Variants in SLC4A4 observed in about 807,000 individuals in gnomAD.
The protein encoded by SLC4A4 is electrogenic sodium bicarbonate cotransporter 1.
A neutral mutation model predicts 111.5 loss-of-function variants in SLC4A4; 27 were observed. That is an observed-to-expected ratio of 0.24 (90% CI 0.18 to 0.33). The LOEUF is 0.33. Among genes scored for constraint, SLC4A4 ranks in the 10% least tolerant of loss-of-function variants. The pLI is 1.00. For missense variants in SLC4A4, 909 were observed against 1,315.5 expected, an observed-to-expected ratio of 0.69 and a Z score of 4.78; for synonymous variants, 443 against 463.4, an observed-to-expected ratio of 0.96 and a Z score of 0.57.
intron 12 of SLC4A4, among the ~76,000 whole-genome samples, chr4:71,454,631 A>G (rs148436388): frequency 1.7e-4 from 26 of 151,992 alleles, no homozygotes; most frequent in Admixed American, 5.2e-4. Flanking sequence ...CATATTTTAG[A>G]TTTTTGTCTA....
chr4:71,330,659 A>T (rs559488495), intron 3 of SLC4A4, among the ~76,000 whole-genome samples: 4 of 152,368 alleles, frequency 2.6e-5, no homozygotes, highest in South Asian at 4.1e-4. Context: ...AATACCATTC[A>T]GGACATAAGC....
At chr4:71,400,605 A>G (rs1720268258) in intron 7 of SLC4A4, among the ~76,000 whole-genome samples, 1 of 152,234 alleles carries the variant, frequency 6.6e-6, no homozygotes, top group South Asian at 2.1e-4. Flanking sequence ...AAGAAACTCC[A>G]TTCTCTCTTC....
chr4:71,436,062 A>G (rs1205821525), intron 7 of SLC4A4, among the ~76,000 whole-genome samples: 1 of 152,238 alleles, frequency 6.6e-6, no homozygotes, highest in African/African-American at 2.4e-5. Flanking sequence ...TATTGGGTAT[A>G]TACCCAAAAG....
chr4:71,385,187 A>ATT (rs1560461079), intron 6 of SLC4A4, among the ~76,000 whole-genome samples: 2 of 16,674 alleles, frequency 1.2e-4, no homozygotes, highest in Non-Finnish European at 2.3e-4. Context: ...ATATATATAT[A>ATT]TATATTTTTT....
At chr4:71,286,162 C>T (rs1405934020) in intron 3 of SLC4A4, among the ~76,000 whole-genome samples, 1 of 152,070 alleles carries the variant, frequency 6.6e-6, no homozygotes, top group African/African-American at 2.4e-5. Context: ...ACGGCGTGAA[C>T]CTGGGAGGTG....
chr4:71,089,476 A>C (rs1043709642), intron 1 of SLC4A4, among the ~76,000 whole-genome samples: 92 of 152,038 alleles, frequency 6.1e-4, no homozygotes, highest in Admixed American at 4.9e-3. Flanking sequence ...AGGCGCTCTG[A>C]TTTTTAGAGT....
chr4:71,133,189 C>G (rs1470699940), intron 2 of SLC4A4, among the ~76,000 whole-genome samples: 1 of 152,128 alleles, frequency 6.6e-6, no homozygotes, highest in East Asian at 1.9e-4. Flanking sequence ...ATTGTAGGAG[C>G]CTTAGGTTGT....
intron 1 of SLC4A4, chr4:71,236,071 G>T: frequency 2.0e-6 from 2 of 999,428 alleles, no homozygotes; most frequent in Non-Finnish European, 2.4e-6. Flanking sequence ...CTGTGCACTA[G>T]CCTACCTCCC....
intron 1 of SLC4A4, among the ~76,000 whole-genome samples, chr4:71,090,854 G>A (rs1742367108): frequency 6.6e-6 from 1 of 152,248 alleles, no homozygotes; most frequent in Non-Finnish European, 1.5e-5. Flanking sequence ...ATTGTAGCCA[G>A]GGATGCAGAA....
chr4:71,457,843 T>C (rs180899403), intron 12 of SLC4A4, among the ~76,000 whole-genome samples: 10 of 152,178 alleles, frequency 6.6e-5, no homozygotes, highest in Admixed American at 6.6e-4. Flanking sequence ...GATGTGCAAA[T>C]CTCTTTTACA....
At chr4:71,228,928 TTC>T (rs1015880298) in intron 1 of SLC4A4, among the ~76,000 whole-genome samples, 2 of 152,058 alleles carry the variant, frequency 1.3e-5, no homozygotes, top group Non-Finnish European at 2.9e-5. Flanking sequence ...TTGTACTAAT[TTC>T]TCTCTCTCTC....
At chr4:71,513,732 G>A (rs1382729201) in intron 16 of SLC4A4, among the ~76,000 whole-genome samples, 1 of 152,116 alleles carries the variant, frequency 6.6e-6, no homozygotes, top group Non-Finnish European at 1.5e-5. Context: ...CTTTCAACTT[G>A]TCCTCATTCA....
chr4:71,158,105 G>A (rs929007515), intron 2 of SLC4A4, among the ~76,000 whole-genome samples: 2 of 132,052 alleles, frequency 1.5e-5, no homozygotes, highest in South Asian at 5.3e-4. Flanking sequence ...CTCTGTGTGT[G>A]TGTGTGTGTG....
intron 7 of SLC4A4, among the ~76,000 whole-genome samples, chr4:71,397,974 A>G (rs559232252): frequency 6.6e-6 from 1 of 152,306 alleles, no homozygotes; most frequent in East Asian, 1.9e-4. Context: ...CTTATGAAAA[A>G]AATACTTTGG....
intron 3 of SLC4A4, among the ~76,000 whole-genome samples, chr4:71,310,563 C>A (rs1250855411): frequency 1.3e-5 from 2 of 152,136 alleles, no homozygotes; most frequent in African/African-American, 4.8e-5. Context: ...AATTTTCAAC[C>A]CAGAATTTCA....
intron 3 of SLC4A4, among the ~76,000 whole-genome samples, chr4:71,297,034 C>T (rs1482907644): frequency 6.6e-6 from 1 of 152,202 alleles, no homozygotes; most frequent in Non-Finnish European, 1.5e-5. Context: ...TGTCTTGGCT[C>T]AACTAGTTGG....
chr4:71,255,582 T>C (rs939839856), intron 3 of SLC4A4, among the ~76,000 whole-genome samples, 183 bp downstream of exon 3: 1 of 152,066 alleles, frequency 6.6e-6, no homozygotes, highest in African/African-American at 2.4e-5. Context: ...ATCTAGGAGG[T>C]CATCTGGTAA....
chr4:71,554,852 A>C lies in SLC4A4; in HGVS notation c.2695-288A>C, dbSNP rs373248550. ...CCTTTTCAGGGTGAAGGGAAACATA[A>C]CTTTTCCTCCATTAATTAAAAAAAA... is the stretch of plus-strand genomic sequence containing the variant. On this transcript the variant is annotated intron_variant, in intron 20 of 25. Transcript: ENST00000264485. 1.4e-3 allele frequency among the ~76,000 whole-genome samples: 215 copies of C among 151,818 alleles called. 6 individuals carry two copies. In the South Asian group the frequency reaches 0.043, roughly 31 times the overall value.
intron 2 of SLC4A4, among the ~76,000 whole-genome samples, chr4:71,182,124 C>T (rs959509826): frequency 2.0e-5 from 3 of 152,062 alleles, no homozygotes; most frequent in Non-Finnish European, 4.4e-5. Context: ...AATCCATCAC[C>T]CAGAAGAGTT....
Sources: allele counts gnomAD v4.1 joint callset (sites outside exome capture counted in the v4.1 genomes callset), GRCh38; gene constraint gnomAD v4.1.1; transcripts MANE v1.5; gene names NCBI Gene and HGNC (gene_info 2026-07-23, HGNC 2026-07-21).